LYPD6: variants seen among roughly 807,000 people sequenced by gnomAD.
The protein encoded by LYPD6 is LY6/PLAUR domain containing 6.
In LYPD6, 15 loss-of-function variants were observed where a neutral mutation model predicts 22.7. The observed-to-expected ratio is 0.66, with a 90% CI of 0.44 to 1.02. The LOEUF (loss-of-function observed/expected upper bound fraction) is 1.02, where lower values mean the gene tolerates loss of function less well. Among genes scored for constraint, LYPD6 ranks in the 50% least tolerant of loss-of-function variants. LYPD6 has a pLI of 0.00. For synonymous variants in LYPD6, 72 were observed against 77.5 expected, an observed-to-expected ratio of 0.93 and a Z score of 0.37; for missense variants, 189 against 208.4, an observed-to-expected ratio of 0.91 and a Z score of 0.57.
At chr2:149,477,803 T>C (rs541070411), downstream of LYPD6, among the ~76,000 whole-genome samples, 275 of 152,166 alleles carry the variant, frequency 1.8e-3, no homozygotes, top group African/African-American at 6.3e-3. Context: ...AAAAATAATA[T>C]TTAATCCAAT....
intron 1 of LYPD6, among the ~76,000 whole-genome samples, chr2:149,419,563 T>A (rs994085542): frequency 3.3e-5 from 5 of 152,192 alleles, no homozygotes; most frequent in Admixed American, 2.0e-4. Flanking sequence ...ACATAGAACA[T>A]TTCCGTCATT....
At chr2:149,448,840 G>C (rs1481619197) in intron 2 of LYPD6, among the ~76,000 whole-genome samples, 2 of 152,152 alleles carry the variant, frequency 1.3e-5, no homozygotes, top group Admixed American at 1.3e-4. Context: ...GTTGACATTT[G>C]TGTACAGATT....
chr2:149,401,079 T>A (rs1391823370), intron 1 of LYPD6, among the ~76,000 whole-genome samples: 1 of 152,226 alleles, frequency 6.6e-6, no homozygotes, highest in African/African-American at 2.4e-5. Context: ...TGCAAAGCTT[T>A]CTTGGAAGGC....
intron 1 of LYPD6, among the ~76,000 whole-genome samples, chr2:149,410,606 T>G (rs1338624592): frequency 6.6e-6 from 1 of 151,994 alleles, no homozygotes; most frequent in African/African-American, 2.4e-5. Flanking sequence ...CTATTCCCCA[T>G]GTCAATAGAA....
chr2:149,395,926 T>C (rs2105103394), intron 1 of LYPD6, among the ~76,000 whole-genome samples: 1 of 152,360 alleles, frequency 6.6e-6, no homozygotes, highest in East Asian at 1.9e-4. Flanking sequence ...ATGGATTTGC[T>C]GATGTGAAAA....
At chr2:149,395,412 G>A (rs1411849224) in intron 1 of LYPD6, among the ~76,000 whole-genome samples, 1 of 151,986 alleles carries the variant, frequency 6.6e-6, no homozygotes, top group Non-Finnish European at 1.5e-5. Context: ...CTAATTAAAT[G>A]TATATATGAA....
At chr2:149,416,606 C>T (rs1682968946) in intron 1 of LYPD6, among the ~76,000 whole-genome samples, 1 of 152,084 alleles carries the variant, frequency 6.6e-6, no homozygotes, top group Admixed American at 6.5e-5. Context: ...GGTAAGGAGC[C>T]CAGGACCTCC....
chr2:149,434,181 G>A (rs991776465), intron 1 of LYPD6, among the ~76,000 whole-genome samples: 3 of 152,004 alleles, frequency 2.0e-5, no homozygotes, highest in African/African-American at 7.3e-5. Context: ...GGAGGGAGGG[G>A]GGAAGCATGT....
chr2:149,485,873 C>T, the LYPD6 span, among the ~76,000 whole-genome samples: 1 of 152,136 alleles, frequency 6.6e-6, no homozygotes, highest in Non-Finnish European at 1.5e-5. Flanking sequence ...CAGGCAAAGA[C>T]ACTATGGCCT....
intron 1 of LYPD6, among the ~76,000 whole-genome samples, chr2:149,350,552 C>A (rs1681339220): frequency 6.6e-6 from 1 of 152,036 alleles, no homozygotes; most frequent in Non-Finnish European, 1.5e-5. Context: ...TATAAAGAAA[C>A]CCTGTGGACT....
intron 1 of LYPD6, among the ~76,000 whole-genome samples, chr2:149,381,734 C>T (rs1682069878): frequency 6.6e-6 from 1 of 152,114 alleles, no homozygotes; most frequent in Non-Finnish European, 1.5e-5. Flanking sequence ...TTCCATTTAC[C>T]AAGTGCTTTC....
At chr2:149,382,988 G>A (rs1227282764) in intron 1 of LYPD6, among the ~76,000 whole-genome samples, 1 of 151,930 alleles carries the variant, frequency 6.6e-6, no homozygotes, top group East Asian at 1.9e-4. Context: ...TCAATATCTG[G>A]TCTATAAAAA....
At chr2:149,362,751 C>T (rs779495029) in intron 1 of LYPD6, among the ~76,000 whole-genome samples, 7 of 152,184 alleles carry the variant, frequency 4.6e-5, no homozygotes, top group Middle Eastern at 3.4e-3. Context: ...TTCTTAGGAA[C>T]GTACTCTTAT....
intron 3 of LYPD6, chr2:149,464,113 T>TAAA (rs34341723): frequency 5.9e-5 from 21 of 358,560 alleles, no homozygotes; most frequent in East Asian, 2.0e-4. Flanking sequence ...TAGGTTAAAT[T>TAAA]AAAAAAAAAA....
chr2:149,346,271 TAA>T (rs1161135331), intron 1 of LYPD6, among the ~76,000 whole-genome samples: 2 of 152,266 alleles, frequency 1.3e-5, no homozygotes, highest in African/African-American at 4.8e-5. Context: ...AAAAAATGCA[TAA>T]AGTTAAAATT....
At chr2:149,377,984 A>C (rs977112710) in intron 1 of LYPD6, among the ~76,000 whole-genome samples, 21 of 152,022 alleles carry the variant, frequency 1.4e-4, no homozygotes, top group African/African-American at 5.1e-4. Flanking sequence ...AATGAGACAT[A>C]GTTCCTATCT....
At chr2:149,372,216 C>T (rs1681826204) in intron 1 of LYPD6, among the ~76,000 whole-genome samples, 1 of 152,154 alleles carries the variant, frequency 6.6e-6, no homozygotes, top group African/African-American at 2.4e-5. Flanking sequence ...CGCAGCACAG[C>T]CCATCCTCAT....
chr2:149,341,695 C>T (rs1726498), intron 1 of LYPD6, among the ~76,000 whole-genome samples: 34,232 of 152,036 alleles, frequency 0.23, 4,774 homozygotes, highest in East Asian at 0.57. Context: ...AAGATCAAGG[C>T]ACCAGCTGGT....
At chr2:149,468,507 G>A in intron 3 of LYPD6, 138 bp from the exon 4 acceptor site, 3 of 910,980 alleles carry the variant, frequency 3.3e-6, no homozygotes, top group South Asian at 3.4e-5. Context: ...TTTGGGGTTG[G>A]ACATAAACTC....
Sources: allele counts gnomAD v4.1 joint callset (sites outside exome capture counted in the v4.1 genomes callset), GRCh38; gene constraint gnomAD v4.1.1; transcripts MANE v1.5; gene names NCBI Gene and HGNC (gene_info 2026-07-23, HGNC 2026-07-21).